The following PARD3B variants were observed in gnomAD, a reference collection of about 807,000 sequenced individuals.
The protein encoded by PARD3B is partitioning defective 3 homolog B.
PARD3B carries 103 observed loss-of-function variants against 130.2 expected under a neutral mutation model. The observed-to-expected ratio is 0.79, with a 90% CI of 0.67 to 0.93. PARD3B has a LOEUF of 0.93. Ranked by LOEUF, PARD3B falls within the 40% of genes least tolerant of loss-of-function variation. PARD3B has a pLI of 0.00. For synonymous variants in PARD3B, 583 were observed against 553.2 expected (o/e 1.05, Z -0.76); for missense variants, 1,609 against 1,499.2 (o/e 1.07, Z -1.21).
chr2:205,380,082 A>AG (rs2045256971), intron 18 of PARD3B, among the ~76,000 whole-genome samples: 1 of 137,558 alleles, frequency 7.3e-6, no homozygotes, highest in East Asian at 2.0e-4. Context: ...AAAAAAAAAA[A>AG]TATGTATATA....
chr2:205,355,053 C>A (rs2044141789), intron 18 of PARD3B, among the ~76,000 whole-genome samples: 1 of 152,160 alleles, frequency 6.6e-6, no homozygotes, highest in South Asian at 2.1e-4. Flanking sequence ...TCACCCTTCC[C>A]ATTGGCCAAG....
At chr2:205,178,143 TAAAAAAAAAAA>T (rs58267787) in intron 13 of PARD3B, among the ~76,000 whole-genome samples, 14 of 20,786 alleles carry the variant, frequency 6.7e-4, no homozygotes, top group Non-Finnish European at 1.0e-3. Flanking sequence ...CCATCTGTAC[TAAAAAAAAAAA>T]AAAAAAAAAA....
intron 1 of PARD3B, among the ~76,000 whole-genome samples, chr2:204,553,097 G>A (rs187831405): frequency 3.3e-5 from 5 of 152,132 alleles, no homozygotes; most frequent in African/African-American, 1.2e-4. Context: ...AGAGGGCCAA[G>A]GACATGAATA....
chr2:205,396,054 T>G (rs980020199), intron 18 of PARD3B, among the ~76,000 whole-genome samples: 2 of 152,194 alleles, frequency 1.3e-5, no homozygotes, highest in Admixed American at 1.3e-4. Flanking sequence ...TTTTACTGTT[T>G]TGAATACATC....
At chr2:205,336,457 C>T (rs1261204413) in intron 18 of PARD3B, among the ~76,000 whole-genome samples, 1 of 152,184 alleles carries the variant, frequency 6.6e-6, no homozygotes, top group Admixed American at 6.5e-5. Context: ...CTTCCTCTTT[C>T]CTTCTCTTCA....
chr2:205,157,597 T>C (rs1387106073), intron 10 of PARD3B, among the ~76,000 whole-genome samples: 2 of 152,236 alleles, frequency 1.3e-5, no homozygotes. Flanking sequence ...TTTATAGTTA[T>C]ATGTGACTGA....
intron 22 of PARD3B, among the ~76,000 whole-genome samples, chr2:205,611,695 G>A (rs1358058299): frequency 6.6e-6 from 1 of 152,092 alleles, no homozygotes; most frequent in Non-Finnish European, 1.5e-5. Flanking sequence ...CAAAATATAG[G>A]TATTTTCATG....
At chr2:204,852,476 A>AT (rs1225671067) in intron 2 of PARD3B, among the ~76,000 whole-genome samples, 4 of 152,122 alleles carry the variant, frequency 2.6e-5, no homozygotes, top group Non-Finnish European at 4.4e-5. Flanking sequence ...GAGCTGTCCT[A>AT]TTTTTTCCCA....
chr2:204,869,676 T>C (rs1325503516), intron 2 of PARD3B, among the ~76,000 whole-genome samples: 1 of 152,126 alleles, frequency 6.6e-6, no homozygotes, highest in African/African-American at 2.4e-5. Context: ...TATGCAGTCT[T>C]GTTACATTGG....
intron 18 of PARD3B, among the ~76,000 whole-genome samples, chr2:205,374,538 A>G (rs529796288): frequency 9.2e-5 from 14 of 152,164 alleles, no homozygotes; most frequent in South Asian, 4.2e-4. Context: ...CGGCCCAACC[A>G]CTTTAATTTT....
intron 2 of PARD3B, among the ~76,000 whole-genome samples, chr2:204,753,214 A>G (rs751443031): frequency 2.0e-5 from 3 of 152,194 alleles, no homozygotes; most frequent in Admixed American, 1.3e-4. Context: ...TGAAAATGAG[A>G]AATTTCCATT....
chr2:204,984,811 C>T (rs1692989658), intron 3 of PARD3B, among the ~76,000 whole-genome samples: 1 of 152,052 alleles, frequency 6.6e-6, no homozygotes, highest in South Asian at 2.1e-4. Flanking sequence ...ACTAAGAGCC[C>T]TGTGTGAATA....
intron 2 of PARD3B, among the ~76,000 whole-genome samples, chr2:204,690,879 G>A (rs965140493): frequency 2.6e-5 from 4 of 152,132 alleles, no homozygotes; most frequent in African/African-American, 9.7e-5. Flanking sequence ...TTGTACTTCA[G>A]ATGGGTTCCT....
At chr2:205,380,201 ATATGTAAAGAATATATATTATATAT>A (rs1559032585) in intron 18 of PARD3B, among the ~76,000 whole-genome samples, 3 of 97,766 alleles carry the variant, frequency 3.1e-5, no homozygotes, top group African/African-American at 1.4e-4. Context: ...ATATTATATA[ATATGTAAAGAATATATATTATATAT>A]TATGTAAAGA....
chr2:205,261,278 G>A (rs2040299208), intron 16 of PARD3B, among the ~76,000 whole-genome samples: 1 of 151,946 alleles, frequency 6.6e-6, no homozygotes, highest in African/African-American at 2.4e-5. Context: ...AATATTCTTT[G>A]TAAAAGACTG....
rs113735867 is a variant in PARD3B at position 205,035,208 on chromosome 2, T to G, written c.395-12373T>G. On this transcript the variant is annotated intron_variant, in intron 3 of 22. Coordinates refer to ENST00000406610, the MANE Select transcript of PARD3B (RefSeq NM_001302769.2). ...CCTCTCCATATGTAATATCAATTTCTGAGAGATTGAATAAATGGATAATTT... is the reference window on the plus strand; with the variant it reads ...CCTCTCCATATGTAATATCAATTTCGGAGAGATTGAATAAATGGATAATTT... 1.4e-4 allele frequency among the ~76,000 whole-genome samples: 22 copies of G among 152,274 alleles called. 1 individual carries two copies. The highest frequency in any genetic ancestry group is 4.8e-4 in the African/African-American group (20 of 41,568).
intron 15 of PARD3B, among the ~76,000 whole-genome samples, chr2:205,194,740 CAT>C (rs890973014): frequency 5.0e-4 from 76 of 152,030 alleles, no homozygotes; most frequent in South Asian, 4.0e-3. Context: ...AAACCAAAGA[CAT>C]GTGCAGAATC....
At chr2:205,354,578 A>C (rs1180008020) in intron 18 of PARD3B, among the ~76,000 whole-genome samples, 1 of 152,166 alleles carries the variant, frequency 6.6e-6, no homozygotes, top group African/African-American at 2.4e-5. Flanking sequence ...TCAGCCTCCC[A>C]AAATGTTGGG....
intron 15 of PARD3B, among the ~76,000 whole-genome samples, chr2:205,236,968 G>A (rs1053960449): frequency 6.6e-6 from 1 of 152,160 alleles, no homozygotes; most frequent in Non-Finnish European, 1.5e-5. Flanking sequence ...TCAGGATTGT[G>A]GTTACCTCTG....
Sources: allele counts gnomAD v4.1 joint callset (sites outside exome capture counted in the v4.1 genomes callset), GRCh38; gene constraint gnomAD v4.1.1; transcripts MANE v1.5; gene names NCBI Gene and HGNC (gene_info 2026-07-23, HGNC 2026-07-21).